WBP11: variants seen among roughly 807,000 people sequenced by gnomAD.
The protein encoded by WBP11 is WW domain-binding protein 11.
Under a neutral mutation model 66.7 loss-of-function variants are expected in WBP11, and 12 were observed. The ratio of observed to expected loss-of-function variants is 0.18; its 90% confidence interval spans 0.12 to 0.29. The LOEUF is 0.29. Among genes scored for constraint, WBP11 ranks in the 10% least tolerant of loss-of-function variants. The pLI is 1.00. For missense variants in WBP11, 555 were observed against 818.3 expected (o/e 0.68, Z 3.93); for synonymous variants, 255 against 273.8 (o/e 0.93, Z 0.68).
chr12:14,803,073 G>A (rs886279608), intron 1 of WBP11, among the ~76,000 whole-genome samples: 35 of 152,070 alleles, frequency 2.3e-4, no homozygotes, highest in Admixed American at 7.2e-4. Context: ...CCATAGCGAC[G>A]GCTGACCGAC....
chr12:14,794,435 C>G, intron 7 of WBP11, 102 bp downstream of exon 7: 2 of 1,271,882 alleles, frequency 1.6e-6, no homozygotes, highest in Admixed American at 3.4e-5. Context: ...ACATGATACC[C>G]TCTCATTTAC....
intron 8 of WBP11, 42 bp downstream of exon 8, chr12:14,793,687 TTC>T (rs1949850772): frequency 6.3e-7 from 1 of 1,578,048 alleles, no homozygotes; most frequent in African/African-American, 1.4e-5. Flanking sequence ...TCAGCTTGTT[TTC>T]TCTTTATTGA....
Position 14,788,990 on chromosome 12 carries a change from GAGGAGGGGGACC to G in WBP11, c.1441_1452del (p.Gly481_Pro484del). ...GGAGGTAGCCTTGGTGGGGGTCCAC[GAGGAGGGGGACC>G]AGGAGGCAGACCTGGAGGTGGACCT... On this transcript the variant is annotated inframe_deletion, in exon 11 of 12. Transcript: ENST00000261167. The G allele has an allele frequency of 6.8e-7, 1 of 1,476,578 alleles. No homozygotes were observed. Among genetic ancestry groups the G allele is most frequent in the Non-Finnish European group, 8.9e-7 (1 of 1,120,662 alleles). The allele number at this position is 1,476,578 out of a possible 1,614,324, so 91.5% of individuals were successfully genotyped here.
Position 14,786,740 on chromosome 12 carries a change from A to C in WBP11, c.*325T>G, listed in dbSNP as rs1949758346. On this transcript the variant is annotated 3_prime_UTR_variant, in exon 12 of 12. Transcript: ENST00000261167. ...ATCTCTACTCCAGTGCCCACAGCAC[A>C]CAAGAGTCAAAACAAATAAGCAACT... The C allele has an allele frequency of 1.4e-5, 3 of 219,298 alleles. No homozygotes were observed. Among genetic ancestry groups the C allele is most frequent in the African/African-American group, 2.2e-5 (1 of 44,472 alleles). The allele number at this position is 219,298 out of a possible 1,614,324, so 13.6% of individuals were successfully genotyped here. A position where few individuals can be genotyped will look rare whatever the true frequency, so the allele number is the denominator to read the frequency against.
intron 5 of WBP11, among the ~76,000 whole-genome samples, chr12:14,795,781 A>C (rs1009081967): frequency 1.3e-5 from 2 of 150,812 alleles, no homozygotes; most frequent in Non-Finnish European, 2.9e-5. Flanking sequence ...CAACTAACAA[A>C]TAGTATATAT....
rs542052132 is a variant in WBP11, at chr12:14,792,863, T to C, written c.913+868A>G. On this transcript the variant is annotated intron_variant, in intron 8 of 11. Coordinates refer to ENST00000261167, the MANE Select transcript of WBP11 (RefSeq NM_016312.3). Reference sequence around the variant, plus strand: ...AAAAAAAGGAAAAAAAGAAAAAAAATCTGTAGGCAGAATAAAAGGAAAAGA... The same window carrying C: ...AAAAAAAGGAAAAAAAGAAAAAAAACCTGTAGGCAGAATAAAAGGAAAAGA... 2.7e-5 allele frequency among the ~76,000 whole-genome samples: 4 copies of C among 146,712 alleles called. No homozygotes were observed. The East Asian group carries it at 8.0e-4, about 29-fold the overall frequency.
In WBP11 at chr12:14,786,409, T is replaced by C. The variant is rs1459300752; in HGVS notation, c.*656A>G. 1 of 152,240 alleles carries C rather than the reference T, an allele frequency of 6.6e-6. No individual in the cohort carries two copies. The highest frequency in any genetic ancestry group is 6.5e-5 in the Admixed American group (1 of 15,290). The allele number at this position is 152,240 out of a possible 1,614,324, so 9.4% of individuals were successfully genotyped here. On this transcript the variant is annotated 3_prime_UTR_variant, in exon 12 of 12. Transcript: ENST00000261167. ...GGCAGTTCCTTAAAGACCCAAGTTT[T>C]AAATATTTAACTTTTTCTGTCCATA...
rs1322035367 is a variant in WBP11, at chr12:14,790,581, T to G, written c.1184A>C (p.Gln395Pro). The part of the protein sequence containing the change: ...TASSQQQAPP[Q>P]SVPPSQIQAP... ...TTGTATCTGAGAAGGAGGAACAGAC[T>G]GCGGCGGAGCCTGCTGCTGTGAAGA... Residue 395 changes from glutamine (Q) to proline (P), a missense_variant, in exon 10 of 12, where the codon CAG (glutamine) becomes CCG (proline). By Grantham distance (76) the Gln-to-Pro change is moderately conservative. Transcript: ENST00000261167. 1.2e-6 allele frequency: 2 copies of G among 1,614,014 alleles called. No individual in the cohort carries two copies. Among genetic ancestry groups the G allele is most frequent in the Non-Finnish European group, 1.7e-6 (2 of 1,179,876 alleles).
chr12:14,786,110 C>T lies in WBP11; in HGVS notation c.*955G>A, dbSNP rs1949751394. 6.6e-6 allele frequency: 1 copy of T among 152,158 alleles called. No individual in the cohort carries two copies. 9.4% of individuals were successfully genotyped at this position (152,158 alleles called of 1,614,324 possible). A position where few individuals can be genotyped will look rare whatever the true frequency, so the allele number is the denominator to read the frequency against. On this transcript the variant is annotated 3_prime_UTR_variant, in exon 12 of 12. Coordinates refer to ENST00000261167, the MANE Select transcript of WBP11 (RefSeq NM_016312.3). ...AATTCAGAAAGGAAAAAAAGCTAAC[C>T]TCTTCTGATTCTTTTATAGCTTAAA...
chr12:14,790,885 C>T, intron 9 of WBP11, 136 bp from the exon 10 acceptor site: 1 of 871,208 alleles, frequency 1.1e-6, no homozygotes, highest in Non-Finnish European at 1.7e-6. Context: ...CAATAAAATA[C>T]TTAGATGTGA....
At chr12:14,801,038 G>GA in intron 2 of WBP11, 1 of 454,612 alleles carries the variant, frequency 2.2e-6, no homozygotes, top group East Asian at 3.3e-5. Context: ...CATAAAACGC[G>GA]AAACAAGGGC....
chr12:14,787,003 AAG>A lies in WBP11; in HGVS notation c.*60_*61del, dbSNP rs373581073. On this transcript the variant is annotated 3_prime_UTR_variant, in exon 12 of 12. Transcript: ENST00000261167. ...AGCAGCTCTTTCATCTAAGTTTAATAAGAGCCTCTTTCTCCATGGGCCACTGT... is the reference window on the plus strand; with the variant it reads ...AGCAGCTCTTTCATCTAAGTTTAATAAGCCTCTTTCTCCATGGGCCACTGT... 7.0e-5 allele frequency: 102 copies of A among 1,461,942 alleles called. 1 individual carries two copies. In the African/African-American group the frequency reaches 1.3e-3, roughly 18 times the overall value. The allele number at this position is 1,461,942 out of a possible 1,614,324, so 90.6% of individuals were successfully genotyped here. A position where few individuals can be genotyped will look rare whatever the true frequency, so the allele number is the denominator to read the frequency against.
chr12:14,791,218 C>T lies in WBP11; in HGVS notation c.966G>A (p.Lys322=). 1 of 1,614,038 alleles carries T rather than the reference C, an allele frequency of 6.2e-7. No homozygotes were observed. The highest frequency in any genetic ancestry group is 8.5e-7 in the Non-Finnish European group (1 of 1,179,972). ...DMPGKSRKKK[K]NMKELTPLQA... ...GAAGAGGAGTCAGTTCCTTCATGTT[C>T]TTCTTTTTCTTCCTTGATTTTCCAG... is the stretch of plus-strand genomic sequence containing the variant. The change falls in exon 9 of 12, where the codon AAG becomes AAA. Residue 322 remains lysine (K), a synonymous_variant. Transcript: ENST00000261167.
At chr12:14,794,937 T>G (rs1034439394) in intron 6 of WBP11, 34 bp downstream of exon 6, 2 of 1,612,106 alleles carry the variant, frequency 1.2e-6, no homozygotes, top group Admixed American at 1.7e-5. Flanking sequence ...GTGCCTTTAC[T>G]AAATGCTCTC....
intron 9 of WBP11, 56 bp from the exon 10 acceptor site, chr12:14,790,805 A>G (rs746076423): frequency 5.2e-6 from 8 of 1,525,068 alleles, no homozygotes; most frequent in Non-Finnish European, 5.3e-6. Context: ...TACAGTTTGG[A>G]GAACAGCAAT....
At chr12:14,802,198 A>T (rs1949972811) in intron 1 of WBP11, among the ~76,000 whole-genome samples, 1 of 152,220 alleles carries the variant, frequency 6.6e-6, no homozygotes, top group Non-Finnish European at 1.5e-5. Flanking sequence ...TTGTAAGCTA[A>T]AACTTTTATT....
At position 14,800,738 on chromosome 12, in the gene WBP11, C is replaced by T. The variant is rs752713426; in HGVS notation, c.96+14G>A. The T allele has an allele frequency of 2.5e-6, 4 of 1,602,054 alleles. No individual in the cohort carries two copies. The Admixed American group carries it at 5.1e-5, about 21-fold the overall frequency. On this transcript the variant is annotated intron_variant, in intron 3 of 11. Coordinates refer to ENST00000261167, the MANE Select transcript of WBP11 (RefSeq NM_016312.3). ...CAATACTTAAAGTTTTATAAGATGC[C>T]TCTAAAATCATACCTTCTTTAATTC...
At chr12:14,790,808 A>T (rs1693614538) in intron 9 of WBP11, 59 bp from the exon 10 acceptor site, 1 of 1,492,324 alleles carries the variant, frequency 6.7e-7, no homozygotes, top group African/African-American at 1.4e-5. Flanking sequence ...AGTTTGGAGA[A>T]CAGCAATGAC....
In WBP11 at chr12:14,795,096, C is replaced by G; in HGVS notation, c.396G>C (p.Gln132His). 6.2e-7 allele frequency: 1 copy of G among 1,603,296 alleles called. No homozygotes were observed. The highest frequency in any genetic ancestry group is 8.5e-7 in the Non-Finnish European group (1 of 1,175,990). ...SQYFDAVKNA[Q>H]HVEVESIPLP... ...AAGGAATACTCTCCACTTCCACATG[C>G]TGAGCATTCTGAAACAGAGAACCAT... is the stretch of plus-strand genomic sequence containing the variant. The change falls in exon 6 of 12, where the codon CAG becomes CAC. Residue 132 changes from glutamine to histidine, a missense_variant. By Grantham distance (24) the Gln-to-His change is conservative (BLOSUM62 0). Coordinates refer to ENST00000261167, the MANE Select transcript of WBP11 (RefSeq NM_016312.3).
Sources: allele counts gnomAD v4.1 joint callset (sites outside exome capture counted in the v4.1 genomes callset), GRCh38; gene constraint gnomAD v4.1.1; transcripts MANE v1.5; gene names NCBI Gene and HGNC (gene_info 2026-07-23, HGNC 2026-07-21).